The following RASA3 variants were observed in gnomAD, a reference collection of about 807,000 sequenced individuals.
RASA3 encodes ras GTPase-activating protein 3.
A neutral mutation model predicts 110.0 loss-of-function variants in RASA3; 73 were observed. The observed-to-expected ratio is 0.66, with a 90% confidence interval of 0.55 to 0.81. The LOEUF is 0.81. RASA3 is among the 30% of genes least tolerant of loss of function. The pLI is 0.00. For synonymous variants in RASA3, 500 were observed against 451.4 expected (o/e 1.11, Z -1.37); for missense variants, 976 against 1,113.2 (o/e 0.88, Z 1.75).
Position 114,014,392 on chromosome 13 carries a change from ATC to A in RASA3, c.1405+815_1405+816del, listed in dbSNP as rs1337489093. On this transcript the variant is annotated intron_variant, in intron 14 of 23. Transcript: ENST00000334062. This position sits in a 1 kb window ranked among gnomAD's most constrained non-coding sequence, Gnocchi z 4.5. ...TGTCTGACTGTCTGATGTCCTGAGA[ATC>A]AGGGGTGGGGACAGCGTTTGTCTCC... 9.9e-5 allele frequency among the ~76,000 whole-genome samples: 15 copies of A among 152,234 alleles called. No individual in the cohort carries two copies. The highest frequency in any genetic ancestry group is 1.7e-4 in the African/African-American group (7 of 41,544).
chr13:114,042,638 C>T (rs1345954837), intron 3 of RASA3, among the ~76,000 whole-genome samples: 1 of 152,248 alleles, frequency 6.6e-6, no homozygotes, highest in East Asian at 1.9e-4. Flanking sequence ...ACCCGGCCAC[C>T]CTGCCTCACG....
chr13:114,011,393 G>A lies in RASA3; in HGVS notation c.1513-145C>T, dbSNP rs2053635050. The A allele has an allele frequency of 1.4e-6, 1 of 714,076 alleles. No homozygotes were observed. Among genetic ancestry groups the A allele is most frequent in the Non-Finnish European group, 2.4e-6 (1 of 413,084 alleles). 44.2% of individuals were successfully genotyped at this position (714,076 alleles called of 1,614,324 possible). ...ACGGAGAAACAGGGGTAGCGACGCA[G>A]ATGGGACTGGAGGGGGTGGGCGTCC... On this transcript the variant is annotated intron_variant, in intron 15 of 23. Coordinates refer to ENST00000334062, the MANE Select transcript of RASA3 (RefSeq NM_007368.4). This position sits in a 1 kb window ranked among gnomAD's most constrained non-coding sequence, Gnocchi z 4.8.
Position 114,023,213 on chromosome 13 carries a change from TGCATCCCAGGCTCAGGG to T in RASA3, c.680+1049_680+1065del, listed in dbSNP as rs1255395635. On this transcript the variant is annotated intron_variant, in intron 8 of 23. Transcript: ENST00000334062. ...TCCAAAATGACCTAAAGAAAGCAGG[TGCATCCCAGGCTCAGGG>T]ACATCCCAGGCTCGGGGACATCCCA... 2.4e-4 allele frequency among the ~76,000 whole-genome samples: 37 copies of T among 152,180 alleles called. No homozygotes were observed. The South Asian group carries it at 6.0e-3, about 25-fold the overall frequency.
chr13:114,059,586 C>A (rs573629318), intron 2 of RASA3, among the ~76,000 whole-genome samples: 1 of 152,354 alleles, frequency 6.6e-6, no homozygotes, highest in African/African-American at 2.4e-5. Flanking sequence ...CACAGTGCAG[C>A]CTGCGGGCAC....
chr13:114,087,599 C>T (rs1333779640), intron 1 of RASA3, among the ~76,000 whole-genome samples: 4 of 152,242 alleles, frequency 2.6e-5, no homozygotes, highest in Non-Finnish European at 5.9e-5. Flanking sequence ...GGAGGGAGGG[C>T]CCCGGGCAGT....
In RASA3 at chr13:114,043,282, T is replaced by G. The variant is rs150710082; in HGVS notation, c.278-2188A>C. On this transcript the variant is annotated intron_variant, in intron 3 of 23. Coordinates refer to ENST00000334062, the MANE Select transcript of RASA3 (RefSeq NM_007368.4). ...AAGAGGCACAAAGACGCTTTCCAAG[T>G]GCCCAAAGGAGAGAGACGGAATCAG... Among the ~76,000 whole-genome samples, 9 of 152,304 alleles carry G rather than the reference T, an allele frequency of 5.9e-5. No individual in the cohort carries two copies. In the East Asian group the frequency reaches 1.7e-3, roughly 29 times the overall value.
chr13:114,115,609 C>T lies in RASA3; in HGVS notation c.55+16826G>A, dbSNP rs1183320965. Among the ~76,000 whole-genome samples the T allele has an allele frequency of 1.3e-5, 2 of 152,224 alleles. No individual in the cohort carries two copies. The highest frequency in any genetic ancestry group is 2.1e-4 in the South Asian group (1 of 4,836). On this transcript the variant is annotated intron_variant, in intron 1 of 23. Coordinates refer to ENST00000334062, the MANE Select transcript of RASA3 (RefSeq NM_007368.4). This position sits in a 1 kb window ranked among gnomAD's most constrained non-coding sequence, Gnocchi z 5.0. ...TCCACGCCCTCTGCAGGCCTCGTGTCCCCCTCGCTGTCGCCTGCCGATTTG... is the reference window on the plus strand; with the variant it reads ...TCCACGCCCTCTGCAGGCCTCGTGTTCCCCTCGCTGTCGCCTGCCGATTTG...
Position 114,016,289 on chromosome 13 carries a change from A to T in RASA3, c.1207-18T>A. 1.9e-6 allele frequency: 3 copies of T among 1,553,778 alleles called. No homozygotes were observed. The Middle Eastern group carries it at 5.0e-4, about 261-fold the overall frequency. On this transcript the variant is annotated intron_variant, in intron 12 of 23. Coordinates refer to ENST00000334062, the MANE Select transcript of RASA3 (RefSeq NM_007368.4). ...TGGCATATCTGGGGAGAGGTTTAAG[A>T]CAGGGCTCTGTGAGTGGGTTCTGGG... is the stretch of plus-strand genomic sequence containing the variant.
At chr13:114,017,408 G>A in intron 11 of RASA3, 57 bp from the exon 12 acceptor site, 4 of 1,423,218 alleles carry the variant, frequency 2.8e-6, no homozygotes, top group Non-Finnish European at 3.9e-6. Flanking sequence ...AGTGCAGACG[G>A]AGCAGAGCCT....
At chr13:114,073,597 G>C in intron 2 of RASA3, 123 bp downstream of exon 2, 1 of 813,332 alleles carries the variant, frequency 1.2e-6, no homozygotes, top group Non-Finnish European at 2.1e-6. Flanking sequence ...AAACGGGATG[G>C]TGACGTACAC....
chr13:114,070,222 G>A (rs2079547762), intron 2 of RASA3, among the ~76,000 whole-genome samples: 1 of 145,424 alleles, frequency 6.9e-6, no homozygotes, highest in South Asian at 2.3e-4. Flanking sequence ...GGAGACTCGG[G>A]GGATGGGAGA....
chr13:114,001,243 C>T (rs766502671), intron 18 of RASA3, among the ~76,000 whole-genome samples: 3 of 152,182 alleles, frequency 2.0e-5, no homozygotes, highest in Non-Finnish European at 4.4e-5. Context: ...TGCGATGCTC[C>T]CACGGCGGAC....
chr13:113,981,669 A>G lies in RASA3; in HGVS notation c.2429+6T>C. The G allele has an allele frequency of 2.5e-6, 4 of 1,611,056 alleles. No homozygotes were observed. The highest frequency in any genetic ancestry group is 3.4e-6 in the Non-Finnish European group (4 of 1,178,658). ...CGTCCAGGGCAGGCACGGGAGTGGC[A>G]CTCACTGGCTTCCATATTTCGTCTT... On this transcript the variant is annotated splice_donor_region_variant and intron_variant, in intron 23 of 23. Coordinates refer to ENST00000334062, the MANE Select transcript of RASA3 (RefSeq NM_007368.4).
chr13:114,028,066 C>T, intron 5 of RASA3, 139 bp from the exon 6 acceptor site: 1 of 677,534 alleles, frequency 1.5e-6, no homozygotes, highest in Non-Finnish European at 2.5e-6. Flanking sequence ...GAGGGCCACA[C>T]CAGCCATTCT....
chr13:114,090,965 G>A (rs547237867), intron 1 of RASA3, among the ~76,000 whole-genome samples: 2 of 152,200 alleles, frequency 1.3e-5, no homozygotes, highest in East Asian at 3.9e-4. Context: ...TGGTGTTATT[G>A]TTCAGTAATA....
chr13:114,032,057 T>C (rs1594355715), intron 4 of RASA3, among the ~76,000 whole-genome samples: 1 of 152,176 alleles, frequency 6.6e-6, no homozygotes, highest in East Asian at 1.9e-4. Context: ...AAATAAATAA[T>C]AAAATAATAG....
chr13:114,102,968 G>A (rs1228174866), intron 1 of RASA3, among the ~76,000 whole-genome samples: 1 of 152,190 alleles, frequency 6.6e-6, no homozygotes, highest in African/African-American at 2.4e-5. Flanking sequence ...TGGGGTCCCT[G>A]AACCAAACCA....
chr13:113,984,753 C>T (rs1277280087), intron 22 of RASA3, among the ~76,000 whole-genome samples: 1 of 72,024 alleles, frequency 1.4e-5, no homozygotes, highest in African/African-American at 4.4e-5. Context: ...TCCATCCACC[C>T]ATTACTCACC....
At chr13:114,102,215 C>CGGGTGGTAGGCGGGCAGCAGGT (rs2080069120) in intron 1 of RASA3, among the ~76,000 whole-genome samples, 1 of 152,066 alleles carries the variant, frequency 6.6e-6, no homozygotes, top group East Asian at 1.9e-4. Context: ...CCACAGCGGG[C>CGGGTGGTAGGCGGGCAGCAGGT]GGGTGGTAGG....
Sources: gnomAD v4.1 joint callset for allele counts (sites outside exome capture counted in the v4.1 genomes callset) on GRCh38, gnomAD v4.1.1 for gene constraint, Gnocchi (gnomAD v3.1) non-coding constraint, MANE v1.5 for transcripts, NCBI Gene and HGNC (gene_info 2026-07-23, HGNC 2026-07-21) for gene names.